NEK1: variants seen among roughly 807,000 people sequenced by gnomAD.
NEK1 encodes serine/threonine-protein kinase Nek1.
Under a neutral mutation model 182.1 loss-of-function variants are expected in NEK1, and 137 were observed. That is an observed-to-expected ratio of 0.75 (90% CI 0.65 to 0.87). The LOEUF (loss-of-function observed/expected upper bound fraction) is 0.87, where lower values mean the gene tolerates loss of function less well. NEK1 is among the 40% of genes least tolerant of loss of function. The pLI is 0.00. For synonymous variants in NEK1, 513 were observed against 492.2 expected (o/e 1.04, Z -0.56); for missense variants, 1,391 against 1,494.4 (o/e 0.93, Z 1.14).
At chr4:169,552,345 GATC>G (rs1761549773) in intron 18 of NEK1, among the ~76,000 whole-genome samples, 1 of 149,928 alleles carries the variant, frequency 6.7e-6, no homozygotes, top group Non-Finnish European at 1.5e-5. Context: ...AAAATCACAT[GATC>G]ATATCTATAC....
chr4:169,438,423 A>G (rs1384757912), intron 27 of NEK1, among the ~76,000 whole-genome samples, 164 bp from the exon 28 acceptor site: 1 of 152,274 alleles, frequency 6.6e-6, no homozygotes, highest in African/African-American at 2.4e-5. Flanking sequence ...AGTATATGAA[A>G]GTCAAATTTC....
At chr4:169,418,679 G>C (rs1204493074) in intron 31 of NEK1, among the ~76,000 whole-genome samples, 6 of 151,916 alleles carry the variant, frequency 3.9e-5, no homozygotes. Context: ...CATACTAATA[G>C]AATTTATCCA....
chr4:169,441,568 G>A (rs1739466185), intron 27 of NEK1, among the ~76,000 whole-genome samples: 1 of 152,182 alleles, frequency 6.6e-6, no homozygotes, highest in South Asian at 2.1e-4. Flanking sequence ...ACTGTGCTAA[G>A]CACAACCTGT....
chr4:169,440,730 C>T (rs1739286167), intron 27 of NEK1, among the ~76,000 whole-genome samples: 1 of 152,186 alleles, frequency 6.6e-6, no homozygotes, highest in African/African-American at 2.4e-5. Flanking sequence ...AGAGAGATCC[C>T]CAGTGCTCCA....
At chr4:169,503,094 G>C (rs1038506114) in intron 23 of NEK1, among the ~76,000 whole-genome samples, 1 of 151,988 alleles carries the variant, frequency 6.6e-6, no homozygotes, top group African/African-American at 2.4e-5. Flanking sequence ...CATTCAAGCT[G>C]AGAATGAAAT....
At chr4:169,551,144 A>C (rs1464713671) in intron 18 of NEK1, among the ~76,000 whole-genome samples, 1 of 152,216 alleles carries the variant, frequency 6.6e-6, no homozygotes. Context: ...GAATACAGTG[A>C]AAACTTCATC....
chr4:169,408,983 T>C (rs1733139272), intron 31 of NEK1, among the ~76,000 whole-genome samples: 1 of 152,206 alleles, frequency 6.6e-6, no homozygotes, highest in Admixed American at 6.5e-5. Flanking sequence ...TTTGGGTAGA[T>C]ACCCAGTGGT....
At chr4:169,560,597 T>C (rs1762764874) in intron 16 of NEK1, among the ~76,000 whole-genome samples, 1 of 152,096 alleles carries the variant, frequency 6.6e-6, no homozygotes, top group Non-Finnish European at 1.5e-5. Flanking sequence ...ACAAGGTGTG[T>C]ATACCGCAGT....
intron 27 of NEK1, among the ~76,000 whole-genome samples, chr4:169,461,932 G>A (rs969340590): frequency 2.0e-5 from 3 of 152,060 alleles, no homozygotes; most frequent in African/African-American, 7.2e-5. Context: ...ACTGAATGAA[G>A]AGAAATCATA....
chr4:169,591,621 T>C (rs1365434911), intron 5 of NEK1, among the ~76,000 whole-genome samples: 1 of 152,126 alleles, frequency 6.6e-6, no homozygotes, highest in Non-Finnish European at 1.5e-5. Context: ...TAAAAAGGCT[T>C]AATTTCTATC....
At chr4:169,537,960 T>C in intron 18 of NEK1, 49 bp from the exon 19 acceptor site, 1 of 1,298,494 alleles carries the variant, frequency 7.7e-7, no homozygotes, top group South Asian at 1.5e-5. Flanking sequence ...GAAAATATTC[T>C]AAAAAGTTAA....
intron 4 of NEK1, among the ~76,000 whole-genome samples, chr4:169,601,475 C>CT (rs1770479593): frequency 6.6e-6 from 1 of 151,954 alleles, no homozygotes; most frequent in Non-Finnish European, 1.5e-5. Flanking sequence ...AGCTATAATA[C>CT]TTTAAGAACC....
At chr4:169,507,168 G>T in intron 22 of NEK1, 36 bp from the exon 23 acceptor site, 28 of 928,572 alleles carry the variant, frequency 3.0e-5, no homozygotes, top group Non-Finnish European at 3.6e-5. Context: ...TGAGTTACCA[G>T]AAAGAAGGGC....
chr4:169,447,756 C>CT (rs1456261725), intron 27 of NEK1, among the ~76,000 whole-genome samples: 1 of 152,092 alleles, frequency 6.6e-6, no homozygotes, highest in Non-Finnish European at 1.5e-5. Context: ...GTGATCCAGA[C>CT]TAGTCGGGAG....
At chr4:169,410,171 C>T (rs933267704) in intron 31 of NEK1, among the ~76,000 whole-genome samples, 8 of 152,160 alleles carry the variant, frequency 5.3e-5, no homozygotes, top group South Asian at 2.1e-4. Flanking sequence ...CTATAACACA[C>T]TGGCTGAGAT....
intron 32 of NEK1, among the ~76,000 whole-genome samples, chr4:169,403,430 C>A (rs893110414): frequency 1.3e-5 from 2 of 151,902 alleles, no homozygotes; most frequent in Non-Finnish European, 2.9e-5. Flanking sequence ...CTTAGCTAGG[C>A]GTGGTGGCAC....
chr4:169,584,247 C>T (rs547545522), intron 10 of NEK1, among the ~76,000 whole-genome samples: 1 of 151,990 alleles, frequency 6.6e-6, no homozygotes, highest in South Asian at 2.1e-4. Flanking sequence ...ATCTAGTATA[C>T]CTACATATAA....
intron 35 of NEK1, among the ~76,000 whole-genome samples, chr4:169,397,118 G>A (rs1269814124): frequency 6.6e-6 from 1 of 152,092 alleles, no homozygotes; most frequent in Admixed American, 6.6e-5. Context: ...CAGTTACTCA[G>A]GAGGCTGAAG....
intron 31 of NEK1, among the ~76,000 whole-genome samples, chr4:169,421,928 C>T (rs1376475781): frequency 6.6e-6 from 1 of 152,144 alleles, no homozygotes; most frequent in Admixed American, 6.5e-5. Context: ...GCATATTTCA[C>T]AGTAGAAAAA....
Sources: allele counts gnomAD v4.1 joint callset (sites outside exome capture counted in the v4.1 genomes callset), GRCh38; gene constraint gnomAD v4.1.1; transcripts MANE v1.5; gene names NCBI Gene and HGNC (gene_info 2026-07-23, HGNC 2026-07-21).